The following DNMBP variants were observed in gnomAD, a reference collection of about 807,000 sequenced individuals.
DNMBP encodes dynamin-binding protein.
DNMBP carries 87 observed loss-of-function variants against 150.0 expected under a neutral mutation model. The observed-to-expected ratio is 0.58, with a 90% confidence interval of 0.49 to 0.69. The LOEUF (loss-of-function observed/expected upper bound fraction) is 0.69. Ranked by LOEUF, DNMBP falls within the 30% of genes least tolerant of loss-of-function variation. The pLI, the probability that DNMBP is intolerant of heterozygous loss-of-function variation, is 0.00. For synonymous variants in DNMBP, 711 were observed against 750.4 expected, an observed-to-expected ratio of 0.95 and a Z score of 0.86; for missense variants, 1,774 against 1,949.0, an observed-to-expected ratio of 0.91 and a Z score of 1.69.
At chr10:99,974,511 T>C (rs1166888776) in intron 1 of DNMBP, among the ~76,000 whole-genome samples, 1 of 152,200 alleles carries the variant, frequency 6.6e-6, no homozygotes, top group Non-Finnish European at 1.5e-5. Context: ...GTTTTTCTTT[T>C]CTTTTCTTTT....
At chr10:99,885,963 A>G (rs2039453454) in intron 13 of DNMBP, 97 bp from the exon 14 acceptor site, 1 of 1,202,204 alleles carries the variant, frequency 8.3e-7, no homozygotes, top group Admixed American at 2.7e-5. Context: ...TCCCGGATTG[A>G]CAGTCTCCTT....
chr10:99,902,625 A>C (rs1353689961), intron 6 of DNMBP, among the ~76,000 whole-genome samples: 1 of 149,890 alleles, frequency 6.7e-6, no homozygotes, highest in Non-Finnish European at 1.5e-5. Flanking sequence ...CCTTTAAAAA[A>C]AAAAAAAAAA....
intron 1 of DNMBP, among the ~76,000 whole-genome samples, chr10:99,993,784 C>T (rs2040922884): frequency 6.6e-6 from 1 of 151,760 alleles, no homozygotes; most frequent in South Asian, 2.1e-4. Context: ...GCCTGGGCAA[C>T]AAAGCAAGAC....
rs1589458237 is a variant in DNMBP, at chr10:100,005,786, C to CAAAAAAAAA, written c.-11+4051_-11+4052insTTTTTTTTT. ...CTCCAAAAAAAAAAAAAAAAAAAAC[C>CAAAAAAAAA]AAACTACATAAAGGAAAATGAATTA... On this transcript the variant is annotated intron_variant, in intron 1 of 16. Coordinates refer to ENST00000324109, the MANE Select transcript of DNMBP (RefSeq NM_015221.4). Among the ~76,000 whole-genome samples, 329 of 100,918 alleles carry CAAAAAAAAA rather than the reference C, an allele frequency of 3.3e-3. 23 individuals carry two copies. The highest frequency in any genetic ancestry group is 0.013 in the African/African-American group (275 of 20,542). 66.2% of individuals were successfully genotyped at this position (100,918 alleles called of 152,430 possible).
Position 99,956,166 on chromosome 10 carries a change from G to C in DNMBP, c.1308C>G (p.Ser436Arg). ...KSQYYSTVGG[S>R]HPHSEQYPDL... ...CGGGGTACTGTTCTGAGTGCGGGTG[G>C]CTCCCTCCCACTGTAGAATAATACT... is the stretch of plus-strand genomic sequence containing the variant. The change falls in exon 4 of 17, where the codon AGC becomes AGG. Residue 436 changes from serine (S) to arginine (R), a missense_variant. Transcript: ENST00000324109. The C allele has an allele frequency of 6.2e-7, 1 of 1,614,116 alleles. No individual in the cohort carries two copies. The highest frequency in any genetic ancestry group is 8.5e-7 in the Non-Finnish European group (1 of 1,180,022).
chr10:99,995,597 A>C (rs2133382167), intron 1 of DNMBP, among the ~76,000 whole-genome samples: 1 of 152,318 alleles, frequency 6.6e-6, no homozygotes, highest in African/African-American at 2.4e-5. Flanking sequence ...GTCATGACCA[A>C]ACAGGCTTGT....
intron 16 of DNMBP, among the ~76,000 whole-genome samples, chr10:99,878,459 A>G (rs1270284674): frequency 6.6e-6 from 1 of 152,202 alleles, no homozygotes; most frequent in East Asian, 1.9e-4. Flanking sequence ...TGTGTCTATA[A>G]TAACTGTCTG....
intron 6 of DNMBP, among the ~76,000 whole-genome samples, chr10:99,905,753 T>C (rs758619392): frequency 1.3e-5 from 2 of 152,074 alleles, no homozygotes; most frequent in Non-Finnish European, 2.9e-5. Flanking sequence ...GGAAGATCGC[T>C]TGAGGCCAGG....
Position 99,888,818 on chromosome 10 carries a change from T to TA in DNMBP, c.3285+6dup. 6.2e-7 allele frequency: 1 copy of TA among 1,613,920 alleles called. No homozygotes were observed. Among genetic ancestry groups the TA allele is most frequent in the Non-Finnish European group, 8.5e-7 (1 of 1,179,916 alleles). On this transcript the variant is annotated splice_region_variant and intron_variant, in intron 12 of 16. Transcript: ENST00000324109. ...GGGGGCCAACTTTTGAAGAAAAAGT[T>TA]ACTTACAAAGTTTGTGAAGAGCTGG... is the stretch of plus-strand genomic sequence containing the variant.
In DNMBP at chr10:99,886,291, G is replaced by A; in HGVS notation, c.3618+9C>T. 1 of 1,607,910 alleles carries A rather than the reference G, an allele frequency of 6.2e-7. No homozygotes were observed. The highest frequency in any genetic ancestry group is 1.7e-4 in the Middle Eastern group (1 of 6,048). On this transcript the variant is annotated intron_variant, in intron 13 of 16. Transcript: ENST00000324109. ...GATGACCATCCCACTGAACAGGTAAGAAACTCACCGAAAGCAGTGGCTTTA... is the reference window on the plus strand; with the variant it reads ...GATGACCATCCCACTGAACAGGTAAAAAACTCACCGAAAGCAGTGGCTTTA...
chr10:99,937,642 T>C (rs1053994315), intron 4 of DNMBP, among the ~76,000 whole-genome samples: 3 of 152,160 alleles, frequency 2.0e-5, no homozygotes, highest in Non-Finnish European at 4.4e-5. Flanking sequence ...AGGCAAGCCA[T>C]GTACACCCCA....
At chr10:99,964,611 C>A (rs998065042) in intron 3 of DNMBP, among the ~76,000 whole-genome samples, 3 of 151,636 alleles carry the variant, frequency 2.0e-5, no homozygotes, top group Non-Finnish European at 2.9e-5. Context: ...TGGCTCATGC[C>A]TGTAATCCCA....
At chr10:99,890,537 G>A (rs1414082773) in intron 11 of DNMBP, among the ~76,000 whole-genome samples, 3 of 152,176 alleles carry the variant, frequency 2.0e-5, no homozygotes, top group Non-Finnish European at 4.4e-5. Flanking sequence ...TCACACTTTA[G>A]AAAACCTGGG....
chr10:99,971,878 C>T, intron 2 of DNMBP, 102 bp downstream of exon 2: 1 of 879,522 alleles, frequency 1.1e-6, no homozygotes, highest in Non-Finnish European at 1.7e-6. Flanking sequence ...TTTTTTAAGA[C>T]AGGGTCTCAC....
intron 1 of DNMBP, among the ~76,000 whole-genome samples, chr10:99,997,057 G>A (rs1246740610): frequency 6.6e-6 from 1 of 152,138 alleles, no homozygotes; most frequent in Non-Finnish European, 1.5e-5. Flanking sequence ...CAAAAATACG[G>A]GACTCTAACA....
intron 4 of DNMBP, among the ~76,000 whole-genome samples, chr10:99,916,325 T>C (rs2039964590): frequency 6.6e-6 from 1 of 152,144 alleles, no homozygotes; most frequent in Non-Finnish European, 1.5e-5. Flanking sequence ...TAGTTGGGCG[T>C]GGTGGCGTGT....
At chr10:99,931,344 C>T (rs1456876105) in intron 4 of DNMBP, among the ~76,000 whole-genome samples, 7 of 152,170 alleles carry the variant, frequency 4.6e-5, no homozygotes, top group African/African-American at 1.7e-4. Context: ...AGAGTCAGGA[C>T]TCTTCTGACT....
At chr10:99,954,658 C>T (rs772767055) in intron 4 of DNMBP, among the ~76,000 whole-genome samples, 2 of 149,900 alleles carry the variant, frequency 1.3e-5, no homozygotes, top group African/African-American at 2.5e-5. Context: ...GCAGGAGAAT[C>T]GCTTGAACCT....
intron 3 of DNMBP, among the ~76,000 whole-genome samples, chr10:99,968,413 G>A (rs989234332): frequency 1.6e-4 from 24 of 152,230 alleles, no homozygotes; most frequent in African/African-American, 5.1e-4. Flanking sequence ...TTGGTCAGGC[G>A]CAGTGACTCA....
Sources: allele counts gnomAD v4.1 joint callset (sites outside exome capture counted in the v4.1 genomes callset), GRCh38; gene constraint gnomAD v4.1.1; transcripts MANE v1.5; gene names NCBI Gene and HGNC (gene_info 2026-07-23, HGNC 2026-07-21).